PPP4R2: variants seen among roughly 807,000 people sequenced by gnomAD.
PPP4R2 encodes protein phosphatase 4 regulatory subunit 2, also known as serine/threonine-protein phosphatase 4 regulatory subunit 2.
Under a neutral mutation model 47.2 loss-of-function variants are expected in PPP4R2, and 13 were observed. That is an observed-to-expected ratio of 0.28 (90% CI 0.18 to 0.44). The LOEUF is 0.44. PPP4R2 is among the 20% of genes least tolerant of loss of function. The pLI is 1.00. For missense variants in PPP4R2, 421 were observed against 491.2 expected (o/e 0.86, Z 1.35); for synonymous variants, 151 against 163.3 (o/e 0.92, Z 0.57).
At chr3:73,061,099 A>G (rs1284833310) in intron 5 of PPP4R2, 39 bp downstream of exon 5, 5 of 952,692 alleles carry the variant, frequency 5.2e-6, no homozygotes, top group Non-Finnish European at 7.6e-6. Flanking sequence ...ATTATTTACT[A>G]TATTTAATCA....
intron 5 of PPP4R2, chr3:73,062,101 T>C: frequency 1.3e-6 from 2 of 1,542,338 alleles, no homozygotes; most frequent in Middle Eastern, 4.4e-4. Flanking sequence ...TTTCTTAAAT[T>C]GTATGCTTAT....
chr3:73,063,627 TAAA>T (rs368021867), intron 5 of PPP4R2, 43 bp from the exon 6 acceptor site: 2 of 1,153,538 alleles, frequency 1.7e-6, no homozygotes, highest in East Asian at 4.8e-5. Context: ...AGACTCCATC[TAAA>T]AAAAAATTAA....
Position 73,063,996 on chromosome 3 carries a change from A to AT in PPP4R2, c.495-5dup. Reference sequence around the variant, plus strand: ...ATAGGAAATGATGTTCATTTATCTTATTATAGGTCTAATATAAATGGGCCT... The same window carrying AT: ...ATAGGAAATGATGTTCATTTATCTTATTTATAGGTCTAATATAAATGGGCCT... On this transcript the variant is annotated splice_region_variant and splice_polypyrimidine_tract_variant and intron_variant, in intron 6 of 8. Coordinates refer to ENST00000356692, the MANE Select transcript of PPP4R2 (RefSeq NM_174907.4). 4 of 1,580,288 alleles carry AT rather than the reference A, an allele frequency of 2.5e-6. No individual in the cohort carries two copies. Among genetic ancestry groups the AT allele is most frequent in the Non-Finnish European group, 3.4e-6 (4 of 1,169,440 alleles).
intron 2 of PPP4R2, among the ~76,000 whole-genome samples, chr3:73,044,231 T>G (rs1267246958): frequency 6.6e-6 from 1 of 151,850 alleles, no homozygotes; most frequent in African/African-American, 2.4e-5. Flanking sequence ...TTGTTGTTGT[T>G]GTTGTTGTTG....
chr3:73,012,971 T>C (rs1468130517), intron 2 of PPP4R2, among the ~76,000 whole-genome samples: 1 of 151,932 alleles, frequency 6.6e-6, no homozygotes, highest in Non-Finnish European at 1.5e-5. Flanking sequence ...TTTTCATGTT[T>C]GTAGGGTCAT....
At chr3:73,010,331 T>C (rs574602989) in intron 2 of PPP4R2, among the ~76,000 whole-genome samples, 72 of 152,204 alleles carry the variant, frequency 4.7e-4, no homozygotes, top group African/African-American at 1.7e-3. Context: ...TAAATGATCC[T>C]CCTGCCTCAG....
At chr3:73,037,508 T>G (rs1702289162) in intron 2 of PPP4R2, among the ~76,000 whole-genome samples, 1 of 151,804 alleles carries the variant, frequency 6.6e-6, no homozygotes, top group South Asian at 2.1e-4. Context: ...GACTAGAGAC[T>G]TTTTTTTACC....
intron 5 of PPP4R2, chr3:73,062,333 A>G (rs1208326505): frequency 1.2e-6 from 2 of 1,605,542 alleles, no homozygotes; most frequent in Non-Finnish European, 1.7e-6. Context: ...GGAAAAACAG[A>G]CAGTATCCAC....
In PPP4R2 at chr3:73,044,767, C is replaced by T. The variant is rs937789004; in HGVS notation, c.117-2419C>T. ...TTTGTATATCTTCTTTGGAGAAGTG[C>T]GTATTTAAGTACTTTGCCCATTTTT... On this transcript the variant is annotated intron_variant, in intron 2 of 8. Transcript: ENST00000356692. Among the ~76,000 whole-genome samples, 24 of 152,168 alleles carry T rather than the reference C, an allele frequency of 1.6e-4. 1 individual carries two copies. Among genetic ancestry groups the T allele is most frequent in the East Asian group, 9.7e-4 (5 of 5,176 alleles).
At chr3:73,060,267 C>T (rs72877552) in intron 4 of PPP4R2, among the ~76,000 whole-genome samples, 50 of 152,240 alleles carry the variant, frequency 3.3e-4, no homozygotes, top group African/African-American at 1.1e-3. Context: ...TCCCCAAAGG[C>T]CAGGAAACTG....
chr3:73,029,232 C>T (rs749358734), intron 2 of PPP4R2, among the ~76,000 whole-genome samples: 21 of 152,208 alleles, frequency 1.4e-4, no homozygotes, highest in East Asian at 3.9e-4. Flanking sequence ...TGAGCCACTT[C>T]GCCTGGCTAG....
chr3:73,048,246 G>C (rs972202795), intron 3 of PPP4R2, among the ~76,000 whole-genome samples: 1 of 151,510 alleles, frequency 6.6e-6, no homozygotes, highest in Non-Finnish European at 1.5e-5. Flanking sequence ...GTAGGACTTT[G>C]TTTTTTGTTT....
intron 2 of PPP4R2, among the ~76,000 whole-genome samples, chr3:73,023,586 G>GT (rs979636286): frequency 2.0e-5 from 3 of 152,152 alleles, no homozygotes; most frequent in Admixed American, 6.5e-5. Flanking sequence ...TTTAAAATAT[G>GT]TTTTTTATTA....
At chr3:73,029,215 A>T (rs992599071) in intron 2 of PPP4R2, among the ~76,000 whole-genome samples, 1 of 152,248 alleles carries the variant, frequency 6.6e-6, no homozygotes, top group Non-Finnish European at 1.5e-5. Context: ...TGTTGGGATT[A>T]CAGGCGTGAG....
At position 73,004,848 on chromosome 3, in the gene PPP4R2, T is replaced by G. The variant is rs548657376; in HGVS notation, c.116+6690T>G. On this transcript the variant is annotated intron_variant, in intron 2 of 8. Coordinates refer to ENST00000356692, the MANE Select transcript of PPP4R2 (RefSeq NM_174907.4). The stretch of plus-strand genomic sequence containing the variant: ...TTTCTTTAAAATACAGTGTGGGGTG[T>G]GTGTGTGTGTGTGTGTGTGTGTTTG... Among the ~76,000 whole-genome samples, 573 of 89,420 alleles carry G rather than the reference T, an allele frequency of 6.4e-3. 5 individuals are homozygous for G. Among genetic ancestry groups the G allele is most frequent in the African/African-American group, 0.038 (510 of 13,522 alleles). 58.7% of individuals were successfully genotyped at this position (89,420 alleles called of 152,430 possible).
chr3:73,052,260 T>G (rs1324134722), intron 3 of PPP4R2, among the ~76,000 whole-genome samples: 2 of 137,280 alleles, frequency 1.5e-5, no homozygotes, highest in Admixed American at 7.1e-5. Context: ...TTTTTTTTGG[T>G]CATTTTCTTG....
At chr3:73,061,824 A>G (rs892388020) in intron 5 of PPP4R2, 1 of 381,972 alleles carries the variant, frequency 2.6e-6, no homozygotes, top group Non-Finnish European at 4.8e-6. Flanking sequence ...TGGCCTTCCA[A>G]AGTGCTGAGA....
intron 3 of PPP4R2, among the ~76,000 whole-genome samples, chr3:73,054,765 T>A (rs551625944): frequency 6.6e-6 from 1 of 152,336 alleles, no homozygotes; most frequent in South Asian, 2.1e-4. Flanking sequence ...CTGATTTTTT[T>A]AGAGTCTGAA....
intron 2 of PPP4R2, among the ~76,000 whole-genome samples, chr3:73,011,250 C>T (rs1210429613): frequency 6.6e-6 from 1 of 152,096 alleles, no homozygotes; most frequent in Non-Finnish European, 1.5e-5. Context: ...GAGGCCGAGG[C>T]GGGTGGATCA....
Sources: gnomAD v4.1 joint callset for allele counts (sites outside exome capture counted in the v4.1 genomes callset) on GRCh38, gnomAD v4.1.1 for gene constraint, MANE v1.5 for transcripts, NCBI Gene and HGNC (gene_info 2026-07-23, HGNC 2026-07-21) for gene names.